CUX1: variants seen among roughly 807,000 people sequenced by gnomAD.
The protein encoded by CUX1 is cut like homeobox 1.
In CUX1, 31 loss-of-function variants were observed where a neutral mutation model predicts 158.8. The observed-to-expected ratio is 0.20, with a 90% CI of 0.15 to 0.26. The LOEUF is 0.26. CUX1 is among the 10% of genes least tolerant of loss of function. CUX1 has a pLI of 1.00. For synonymous variants in CUX1, 879 were observed against 862.1 expected (o/e 1.02, Z -0.34); for missense variants, 1,589 against 2,014.6 (o/e 0.79, Z 4.04).
intron 9 of CUX1, among the ~76,000 whole-genome samples, chr7:102,167,383 C>T (rs1189323038): frequency 2.0e-5 from 3 of 152,196 alleles, no homozygotes; most frequent in Non-Finnish European, 4.4e-5. Flanking sequence ...AGATGGTATC[C>T]GCTCTGAACG....
intron 2 of CUX1, chr7:101,959,973 T>C (rs1810271540): frequency 6.6e-6 from 1 of 152,234 alleles, no homozygotes; most frequent in Admixed American, 6.5e-5. Context: ...AAGACTTTAA[T>C]GCCATCGAGA....
At chr7:101,943,058 C>T (rs876826) in intron 2 of CUX1, among the ~76,000 whole-genome samples, 22 of 145,026 alleles carry the variant, frequency 1.5e-4, no homozygotes, top group Admixed American at 6.3e-4. Flanking sequence ...TGTTAACTTT[C>T]CTCTCCATCC....
intron 4 of CUX1, among the ~76,000 whole-genome samples, chr7:102,081,447 C>T (rs895524029): frequency 1.4e-5 from 2 of 146,398 alleles, no homozygotes; most frequent in Non-Finnish European, 3.1e-5. Context: ...TGAGTTCTCA[C>T]GAGATCCGAT....
At chr7:102,244,807 G>A (rs530896522) in intron 23 of CUX1, among the ~76,000 whole-genome samples, 1 of 152,122 alleles carries the variant, frequency 6.6e-6, no homozygotes, top group Non-Finnish European at 1.5e-5. Flanking sequence ...ACCCAGTTAG[G>A]AACTCAGATT....
chr7:102,115,312 T>C (rs939966948), intron 8 of CUX1, 39 bp downstream of exon 8: 24 of 1,576,122 alleles, frequency 1.5e-5, no homozygotes, highest in Non-Finnish European at 2.1e-5. Context: ...CCGTACACAT[T>C]TCTCACCTGA....
intron 2 of CUX1, among the ~76,000 whole-genome samples, chr7:101,935,710 G>A (rs2041008): frequency 0.19 from 29,524 of 152,166 alleles, 3,743 homozygotes; most frequent in African/African-American, 0.36. Flanking sequence ...AATGGTGTGG[G>A]GCTGTCACGA....
chr7:102,119,767 A>G (rs1554492896), intron 8 of CUX1, among the ~76,000 whole-genome samples: 1 of 152,016 alleles, frequency 6.6e-6, no homozygotes, highest in Non-Finnish European at 1.5e-5. Context: ...GAGTGGTCTC[A>G]AACTCCTGGC....
chr7:102,066,281 A>G (rs1423719266), intron 3 of CUX1, among the ~76,000 whole-genome samples: 2 of 151,916 alleles, frequency 1.3e-5, no homozygotes, highest in Admixed American at 1.3e-4. Flanking sequence ...TTCTGTGTCC[A>G]GGTTTCTCCT....
chr7:101,980,082 C>T (rs1416896535), intron 2 of CUX1, among the ~76,000 whole-genome samples: 1 of 152,248 alleles, frequency 6.6e-6, no homozygotes, highest in African/African-American at 2.4e-5. Context: ...TCTGGAAGGG[C>T]TCCCAGCCAG....
intron 2 of CUX1, among the ~76,000 whole-genome samples, chr7:102,015,838 C>T (rs952647169): frequency 1.3e-5 from 2 of 151,844 alleles, no homozygotes; most frequent in African/African-American, 4.8e-5. Context: ...TTTTTGGAAG[C>T]AGGGTCTCAC....
intron 3 of CUX1, among the ~76,000 whole-genome samples, chr7:102,043,407 A>G (rs1674600372): frequency 1.3e-5 from 2 of 151,282 alleles, no homozygotes; most frequent in South Asian, 4.2e-4. Context: ...AGCAAATGTC[A>G]TATATATGAT....
chr7:102,152,798 C>T (rs1369947458), intron 8 of CUX1, among the ~76,000 whole-genome samples: 3 of 152,214 alleles, frequency 2.0e-5, no homozygotes, highest in Admixed American at 2.0e-4. Flanking sequence ...GAGACAGCAG[C>T]CCCTCCGAGC....
chr7:101,879,450 C>T (rs190604071), intron 1 of CUX1, among the ~76,000 whole-genome samples: 8 of 152,238 alleles, frequency 5.3e-5, no homozygotes, highest in South Asian at 2.1e-4. Flanking sequence ...TGCAACTTTT[C>T]GCTTTATTGT....
intron 23 of CUX1, among the ~76,000 whole-genome samples, chr7:102,241,784 G>A (rs915066395): frequency 3.9e-5 from 6 of 152,180 alleles, no homozygotes; most frequent in Admixed American, 6.5e-5. Context: ...AGGCCTCCCC[G>A]TGTTCCAGCT....
At chr7:102,204,626 C>G (rs1400762181) in intron 19 of CUX1, 70 bp downstream of exon 19, 1 of 1,560,892 alleles carries the variant, frequency 6.4e-7, no homozygotes, top group African/African-American at 1.4e-5. Context: ...GCAGCCCCAC[C>G]TGGGCTATGC....
intron 5 of CUX1, among the ~76,000 whole-genome samples, chr7:102,100,855 A>G (rs1334092432): frequency 1.3e-5 from 2 of 152,204 alleles, no homozygotes; most frequent in Non-Finnish European, 2.9e-5. Flanking sequence ...GCTGTAAAGA[A>G]ATACCTTAGT....
intron 2 of CUX1, among the ~76,000 whole-genome samples, chr7:102,014,136 G>GTTCA (rs372887838): frequency 9.2e-5 from 14 of 152,306 alleles, no homozygotes; most frequent in African/African-American, 3.4e-4. Context: ...GTCTATCTCT[G>GTTCA]TTCAGGTCCC....
intron 2 of CUX1, among the ~76,000 whole-genome samples, chr7:101,931,523 C>T (rs564035151): frequency 2.6e-5 from 4 of 152,148 alleles, no homozygotes; most frequent in Admixed American, 6.5e-5. Flanking sequence ...AACTGAGGCC[C>T]AGAGAGGAGG....
At chr7:101,864,319 C>T (rs1002414625) in intron 1 of CUX1, among the ~76,000 whole-genome samples, 3 of 151,978 alleles carry the variant, frequency 2.0e-5, no homozygotes, top group African/African-American at 4.8e-5. Context: ...CACCACCACA[C>T]CCCGCTAATT....
Sources: gnomAD v4.1 joint callset for allele counts (sites outside exome capture counted in the v4.1 genomes callset) on GRCh38, gnomAD v4.1.1 for gene constraint, MANE v1.5 for transcripts, NCBI Gene and HGNC (gene_info 2026-07-23, HGNC 2026-07-21) for gene names.